The following PEX13 variants were observed in gnomAD, a reference collection of about 807,000 sequenced individuals.
The protein encoded by PEX13 is peroxisome biogenesis factor 13.
A neutral mutation model predicts 34.5 loss-of-function variants in PEX13; 28 were observed. The ratio of observed to expected loss-of-function variants is 0.81; its 90% CI spans 0.60 to 1.11. PEX13 has a LOEUF of 1.11. Among genes scored for constraint, PEX13 ranks in the 50% most tolerant of loss-of-function variants. The pLI, the probability that PEX13 is intolerant of heterozygous loss-of-function variation, is 0.00. For missense variants in PEX13, 550 were observed against 491.0 expected, an observed-to-expected ratio of 1.12 and a Z score of -1.13; for synonymous variants, 177 against 175.1, an observed-to-expected ratio of 1.01 and a Z score of -0.09.
chr2:61,034,934 C>T (rs771788681), intron 2 of PEX13, among the ~76,000 whole-genome samples: 3 of 152,252 alleles, frequency 2.0e-5, no homozygotes, highest in African/African-American at 4.8e-5. Context: ...CAAACTTAAA[C>T]GTCCCTGTCT....
Position 61,031,645 on chromosome 2 carries a change from C to G in PEX13, c.319C>G (p.Arg107Gly), listed in dbSNP as rs776824458. Reference sequence around the variant, plus strand: ...TGGATATAATGGGCTGGGCTACAACCGCCTCCGTGTAGATGATCTTCCACC... The same window carrying G: ...TGGATATAATGGGCTGGGCTACAACGGCCTCCGTGTAGATGATCTTCCACC... ...SYGYNGLGYN[R>G]LRVDDLPPSR... Residue 107 changes from arginine to glycine, a missense_variant, in exon 2 of 4, where the codon CGC (arginine) becomes GGC (glycine). Transcript: ENST00000295030. 6.2e-7 allele frequency: 1 copy of G among 1,614,112 alleles called. No individual in the cohort carries two copies.
chr2:61,035,934 G>T (rs1219930027), intron 2 of PEX13, among the ~76,000 whole-genome samples: 1 of 146,740 alleles, frequency 6.8e-6, no homozygotes, highest in African/African-American at 2.5e-5. Flanking sequence ...AGGGAGCCAA[G>T]ATCACACCAT....
chr2:61,025,949 G>C (rs2104799080), intron 1 of PEX13, among the ~76,000 whole-genome samples: 1 of 152,142 alleles, frequency 6.6e-6, no homozygotes, highest in South Asian at 2.1e-4. Flanking sequence ...TTCCTCTTTA[G>C]GGTTCTGAAC....
Position 61,049,556 on chromosome 2 carries a change from C to T in PEX13, c.*786C>T, listed in dbSNP as rs963346049. 2.0e-5 allele frequency: 3 copies of T among 152,218 alleles called. No homozygotes were observed. The highest frequency in any genetic ancestry group is 4.4e-5 in the Non-Finnish European group (3 of 68,078). The allele number at this position is 152,218 out of a possible 1,614,324, so 9.4% of individuals were successfully genotyped here. A position where few individuals can be genotyped will look rare whatever the true frequency, so the allele number is the denominator to read the frequency against. ...TGGGAGGCTGAGGCGGGCAGATCAC[C>T]TGAGGTTGGGAGTTCAAGACCACCC... On this transcript the variant is annotated 3_prime_UTR_variant, in exon 4 of 4. Coordinates refer to ENST00000295030, the MANE Select transcript of PEX13 (RefSeq NM_002618.4).
intron 3 of PEX13, 81 bp from the exon 4 acceptor site, chr2:61,048,391 G>C (rs1573561921): frequency 5.2e-6 from 6 of 1,158,252 alleles, no homozygotes; most frequent in East Asian, 2.3e-5. Flanking sequence ...AGATTTTCCT[G>C]AATGTGATAT....
chr2:61,049,127 T>C lies in PEX13; in HGVS notation c.*357T>C, dbSNP rs138236564. The C allele has an allele frequency of 1.0e-3, 224 of 214,312 alleles. No individual in the cohort carries two copies. The highest frequency in any genetic ancestry group is 1.7e-3 in the Non-Finnish European group (185 of 105,960). The allele number at this position is 214,312 out of a possible 1,614,324, so 13.3% of individuals were successfully genotyped here. ...AGATCATTAATACTTTTAAAAGTTC[T>C]GCATTAATTGACTTGGAATCCTTAG... is the stretch of plus-strand genomic sequence containing the variant. On this transcript the variant is annotated 3_prime_UTR_variant, in exon 4 of 4. Coordinates refer to ENST00000295030, the MANE Select transcript of PEX13 (RefSeq NM_002618.4).
intron 2 of PEX13, 129 bp from the exon 3 acceptor site, chr2:61,045,597 T>C: frequency 1.4e-6 from 1 of 711,090 alleles, no homozygotes; most frequent in Admixed American, 2.2e-5. Flanking sequence ...TAGTATTCAT[T>C]ATAGTTTTTA....
At chr2:61,047,287 C>T (rs1680718225) in intron 3 of PEX13, among the ~76,000 whole-genome samples, 1 of 152,108 alleles carries the variant, frequency 6.6e-6, no homozygotes, top group African/African-American at 2.4e-5. Context: ...TCCTGAGTTG[C>T]TGGGACTACA....
At chr2:61,044,632 C>T (rs558566437) in intron 2 of PEX13, among the ~76,000 whole-genome samples, 17 of 152,212 alleles carry the variant, frequency 1.1e-4, no homozygotes, top group East Asian at 1.9e-4. Flanking sequence ...GAGATCCACC[C>T]GCCTCGGCCT....
chr2:61,025,520 G>A (rs933964366), intron 1 of PEX13, among the ~76,000 whole-genome samples: 2 of 151,988 alleles, frequency 1.3e-5, no homozygotes, highest in Admixed American at 1.3e-4. Flanking sequence ...CACCACACCT[G>A]GCTAATTTTT....
At chr2:61,019,142 G>C (rs1376503394) in intron 1 of PEX13, 1 of 152,016 alleles carries the variant, frequency 6.6e-6, no homozygotes, top group East Asian at 1.9e-4. Flanking sequence ...TTATATTTTA[G>C]TACTTAGGTT....
intron 2 of PEX13, among the ~76,000 whole-genome samples, chr2:61,043,281 G>A (rs1360626127): frequency 6.7e-6 from 1 of 149,448 alleles, no homozygotes; most frequent in Non-Finnish European, 1.5e-5. Flanking sequence ...CGGATCATGA[G>A]GTCAGGAGAT....
At chr2:61,022,357 C>T (rs550465217) in intron 1 of PEX13, among the ~76,000 whole-genome samples, 2 of 152,270 alleles carry the variant, frequency 1.3e-5, no homozygotes, top group African/African-American at 2.4e-5. Flanking sequence ...AGCTGAAAAC[C>T]ATGGCACAAG....
chr2:61,034,134 C>T (rs114200344), intron 2 of PEX13, among the ~76,000 whole-genome samples: 2,505 of 152,138 alleles, frequency 0.016, 39 homozygotes, highest in Non-Finnish European at 0.025. Flanking sequence ...GTAGCTGGGA[C>T]TACAGGTGTA....
Position 61,050,643 on chromosome 2 carries a change from GGA to G in PEX13, c.*1875_*1876del, listed in dbSNP as rs886056205. On this transcript the variant is annotated 3_prime_UTR_variant, in exon 4 of 4. Coordinates refer to ENST00000295030, the MANE Select transcript of PEX13 (RefSeq NM_002618.4). Reference sequence around the variant, plus strand: ...TTTTTCTTTTGTCTTTTTTTGAAACGGAGTCTCACTCTGTCGCCCAGGCTGGA... The same window carrying G: ...TTTTTCTTTTGTCTTTTTTTGAAACGGTCTCACTCTGTCGCCCAGGCTGGA... The G allele has an allele frequency of 2.0e-5, 3 of 151,958 alleles. No homozygotes were observed. In the South Asian group the frequency reaches 6.2e-4, roughly 32 times the overall value. 9.4% of individuals were successfully genotyped at this position (151,958 alleles called of 1,614,324 possible). A position where few individuals can be genotyped will look rare whatever the true frequency, so the allele number is the denominator to read the frequency against.
intron 1 of PEX13, among the ~76,000 whole-genome samples, chr2:61,022,685 A>G (rs1232134982): frequency 2.6e-5 from 4 of 152,186 alleles, no homozygotes; most frequent in Non-Finnish European, 5.9e-5. Context: ...TCTGAGCAAC[A>G]TAACAAGACT....
chr2:61,023,426 CACAT>C (rs1465298633), intron 1 of PEX13, among the ~76,000 whole-genome samples: 1 of 150,350 alleles, frequency 6.7e-6, no homozygotes, highest in African/African-American at 2.5e-5. Flanking sequence ...CACACACACA[CACAT>C]ATTTTTTTTT....
intron 2 of PEX13, among the ~76,000 whole-genome samples, chr2:61,044,544 G>A (rs1680675919): frequency 6.6e-6 from 1 of 152,108 alleles, no homozygotes. Context: ...GCGCCACCAT[G>A]CCCGGCTAAT....
In PEX13 at chr2:61,031,556, C is replaced by T; in HGVS notation, c.230C>T (p.Ser77Leu). The change falls in exon 2 of 4, where the codon TCA (serine) becomes TTA (leucine). Residue 77 changes from serine to leucine, a missense_variant. Coordinates refer to ENST00000295030, the MANE Select transcript of PEX13 (RefSeq NM_002618.4). ...AACACTTTTAGACCTGCTTACAGTT[C>T]ATTTTCTTCTGGATATGGTGCCTAT... ...SVNTFRPAYS[S>L]FSSGYGAYGN... 1 of 1,614,136 alleles carries T rather than the reference C, an allele frequency of 6.2e-7. No homozygotes were observed. The highest frequency in any genetic ancestry group is 1.6e-4 in the Middle Eastern group (1 of 6,062).
Sources: allele counts gnomAD v4.1 joint callset (sites outside exome capture counted in the v4.1 genomes callset), GRCh38; gene constraint gnomAD v4.1.1; transcripts MANE v1.5; gene names NCBI Gene and HGNC (gene_info 2026-07-23, HGNC 2026-07-21).